Variants in UHRF2 observed in about 807,000 individuals in gnomAD.
UHRF2 encodes the protein E3 ubiquitin-protein ligase UHRF2.
Under a neutral mutation model 96.8 loss-of-function variants are expected in UHRF2, and 23 were observed. That is an observed-to-expected ratio of 0.24 (90% CI 0.17 to 0.34). UHRF2 has a LOEUF of 0.34. Ranked by LOEUF, UHRF2 falls within the 10% of genes least tolerant of loss-of-function variation. UHRF2 has a pLI of 1.00. For synonymous variants in UHRF2, 385 were observed against 332.6 expected, an observed-to-expected ratio of 1.16 and a Z score of -1.72; for missense variants, 685 against 981.5, an observed-to-expected ratio of 0.70 and a Z score of 4.04.
chr9:6,470,199 C>G lies in UHRF2; in HGVS notation c.864-5192C>G, dbSNP rs947445826. Among the ~76,000 whole-genome samples, 4 of 152,100 alleles carry G rather than the reference C, an allele frequency of 2.6e-5. No individual in the cohort carries two copies. In the East Asian group the frequency reaches 7.7e-4, roughly 29 times the overall value. On this transcript the variant is annotated intron_variant, in intron 4 of 15. Coordinates refer to ENST00000276893, the MANE Select transcript of UHRF2 (RefSeq NM_152896.3). Reference sequence around the variant, plus strand: ...ACCAGCCTGGCCAACATGGCAAAACCATGTCTCTACTAAAAGGAAAAAATT... The same window carrying G: ...ACCAGCCTGGCCAACATGGCAAAACGATGTCTCTACTAAAAGGAAAAAATT...
rs773890123 is a variant in UHRF2, at chr9:6,421,171, G to A, written c.384+29G>A. 13 of 1,473,278 alleles carry A rather than the reference G, an allele frequency of 8.8e-6. No individual in the cohort carries two copies. In the South Asian group the frequency reaches 1.3e-4, roughly 15 times the overall value. The allele number at this position is 1,473,278 out of a possible 1,614,324, so 91.3% of individuals were successfully genotyped here. On this transcript the variant is annotated intron_variant, in intron 2 of 15. Transcript: ENST00000276893. ...TGTTGTTTTCTTCAGACTTACTGTT[G>A]TGAGAATACAAATAAATTTATTTTC... is the stretch of plus-strand genomic sequence containing the variant.
intron 3 of UHRF2, among the ~76,000 whole-genome samples, chr9:6,460,187 A>G (rs1822446606): frequency 6.6e-6 from 1 of 152,244 alleles, no homozygotes; most frequent in Admixed American, 6.5e-5. Flanking sequence ...AGATTATAAC[A>G]GTAATACGTG....
At chr9:6,468,703 G>A (rs1006684443) in intron 4 of UHRF2, 2 of 455,972 alleles carry the variant, frequency 4.4e-6, no homozygotes, top group South Asian at 1.5e-5. Flanking sequence ...GGCTGGAAAT[G>A]TAGTAAAAAG....
chr9:6,413,228 T>C lies in UHRF2; in HGVS notation c.-263T>C, dbSNP rs868623262. ...GTAAACACTCTGCGCGGCGCAGACA[T>C]GGCCTCTTCCTATCTTTGAGGCGGT... On this transcript the variant is annotated 5_prime_UTR_variant, in exon 1 of 16. An upstream start codon of the reference 5' UTR is lost. Transcript: ENST00000276893. 2.3e-5 allele frequency: 4 copies of C among 172,472 alleles called. No individual in the cohort carries two copies. Among genetic ancestry groups the C allele is most frequent in the Middle Eastern group, 2.2e-3 (1 of 458 alleles). 10.7% of individuals were successfully genotyped at this position (172,472 alleles called of 1,614,324 possible).
intron 3 of UHRF2, among the ~76,000 whole-genome samples, chr9:6,450,674 C>T (rs1343037162): frequency 6.6e-6 from 1 of 152,122 alleles, no homozygotes; most frequent in African/African-American, 2.4e-5. Flanking sequence ...TTATGAACTT[C>T]CAGTGCCTTT....
chr9:6,427,163 T>C (rs1820307280), intron 2 of UHRF2, among the ~76,000 whole-genome samples: 1 of 152,188 alleles, frequency 6.6e-6, no homozygotes, highest in East Asian at 1.9e-4. Flanking sequence ...AAATTGGGCG[T>C]TGTATTGCTT....
chr9:6,475,182 T>A (rs191713828), intron 4 of UHRF2, among the ~76,000 whole-genome samples: 1 of 152,326 alleles, frequency 6.6e-6, no homozygotes, highest in Admixed American at 6.5e-5. Flanking sequence ...AGTCTGTATT[T>A]TTTTTCTCAT....
At chr9:6,489,786 T>A (rs937430547) in intron 9 of UHRF2, among the ~76,000 whole-genome samples, 1 of 151,952 alleles carries the variant, frequency 6.6e-6, no homozygotes, top group Non-Finnish European at 1.5e-5. Context: ...ATTTACTTGC[T>A]TTCATGGATT....
intron 10 of UHRF2, chr9:6,496,369 A>C (rs1180402498): frequency 6.6e-6 from 1 of 152,232 alleles, no homozygotes; most frequent in Non-Finnish European, 1.5e-5. Flanking sequence ...AAATAGTAAA[A>C]ATAACTTAAA....
chr9:6,426,126 C>G (rs561335245), intron 2 of UHRF2, among the ~76,000 whole-genome samples: 2 of 152,352 alleles, frequency 1.3e-5, no homozygotes, highest in African/African-American at 2.4e-5. Context: ...CAATACTCCA[C>G]TATTCCTTCC....
At chr9:6,490,987 A>C (rs563567683) in intron 9 of UHRF2, among the ~76,000 whole-genome samples, 10 of 152,228 alleles carry the variant, frequency 6.6e-5, no homozygotes, top group Admixed American at 1.3e-4. Context: ...ATTTGGTATA[A>C]ATTTCATGAA....
intron 1 of UHRF2, among the ~76,000 whole-genome samples, chr9:6,420,298 G>C (rs987950976): frequency 4.6e-5 from 7 of 151,772 alleles, no homozygotes; most frequent in African/African-American, 1.7e-4. Flanking sequence ...CTCGTCATCT[G>C]CTCTTTTCGG....
Position 6,504,631 on chromosome 9 carries a change from T to G in UHRF2, c.2202T>G (p.Val734=), listed in dbSNP as rs146962147. Residue 734 remains valine, a synonymous_variant, in exon 15 of 16, where the codon GTT becomes GTG. Transcript: ENST00000276893. The part of the protein sequence containing the change: ...LKKLEQSFMC[V]CCQELVYQPV... ...AATTGGAACAATCTTTTATGTGCGT[T>G]TGCTGTCAGGAGCTAGTTTACCAGC... The G allele has an allele frequency of 8.7e-5, 140 of 1,613,840 alleles. No individual in the cohort carries two copies. In the Middle Eastern group the frequency reaches 2.3e-3, roughly 27 times the overall value.
intron 3 of UHRF2, among the ~76,000 whole-genome samples, chr9:6,441,748 A>G (rs1285528391): frequency 6.7e-6 from 1 of 150,202 alleles, no homozygotes; most frequent in Admixed American, 6.6e-5. Flanking sequence ...TTTTTTTTCC[A>G]TTTTATTTCC....
chr9:6,497,345 T>C lies in UHRF2; in HGVS notation c.1752T>C (p.Tyr584=), dbSNP rs750786149. Residue 584 remains tyrosine (Y), a synonymous_variant, in exon 11 of 16, where the codon TAT becomes TAC. Transcript: ENST00000276893. ...ATGCTCCTGAAGAAGGCAACAGATA[T>C]GATGGCATTTATAAGGTGCTCTATC... is the stretch of plus-strand genomic sequence containing the variant. ...SKYAPEEGNR[Y]DGIYKVVKYW... 5.5e-5 allele frequency: 88 copies of C among 1,613,672 alleles called. 1 individual carries two copies. The highest frequency in any genetic ancestry group is 3.3e-4 in the South Asian group (30 of 91,060).
intron 3 of UHRF2, among the ~76,000 whole-genome samples, chr9:6,450,963 T>C (rs146240980): frequency 7.7e-4 from 118 of 152,318 alleles, no homozygotes; most frequent in Middle Eastern, 3.4e-3. Flanking sequence ...AACTAGGAAA[T>C]AATACTTAAA....
At chr9:6,413,666 C>G (rs1317046806) in intron 1 of UHRF2, 23 bp downstream of exon 1, 3 of 1,549,234 alleles carry the variant, frequency 1.9e-6, no homozygotes, top group South Asian at 2.4e-5. Context: ...CGCCGCGCCC[C>G]TAGCGAGGCT....
chr9:6,422,714 A>G (rs1226529905), intron 2 of UHRF2: 2 of 532,298 alleles, frequency 3.8e-6, no homozygotes, highest in African/African-American at 2.0e-5. Context: ...GGGTCAAGTG[A>G]TCTTCCTGCT....
At chr9:6,469,657 G>GGTGTGTGT (rs34918540) in intron 4 of UHRF2, among the ~76,000 whole-genome samples, 12 of 148,072 alleles carry the variant, frequency 8.1e-5, no homozygotes, top group African/African-American at 2.8e-4. Context: ...CTTGATGAAA[G>GGTGTGTGT]GTGTGTGTGT....
Sources: allele counts gnomAD v4.1 joint callset (sites outside exome capture counted in the v4.1 genomes callset), GRCh38; gene constraint gnomAD v4.1.1; transcripts MANE v1.5; gene names NCBI Gene and HGNC (gene_info 2026-07-23, HGNC 2026-07-21).